The following CEP63 variants were observed in gnomAD, a reference collection of about 807,000 sequenced individuals.
The protein encoded by CEP63 is centrosomal protein 63.
CEP63 carries 84 observed loss-of-function variants against 89.1 expected under a neutral mutation model. The ratio of observed to expected loss-of-function variants is 0.94; its 90% CI spans 0.79 to 1.13. The LOEUF is 1.13. CEP63 is among the 50% of genes most tolerant of loss of function. CEP63 has a pLI of 0.00. For synonymous variants in CEP63, 267 were observed against 272.5 expected (o/e 0.98, Z 0.20); for missense variants, 838 against 813.3 (o/e 1.03, Z -0.37).
At chr3:134,493,624 A>G (rs547549270) in intron 1 of CEP63, among the ~76,000 whole-genome samples, 1 of 152,320 alleles carries the variant, frequency 6.6e-6, no homozygotes, top group Admixed American at 6.5e-5. Flanking sequence ...AATAAGGTGC[A>G]GTGGTTCTAT....
intron 3 of CEP63, among the ~76,000 whole-genome samples, chr3:134,522,134 C>G (rs756133443): frequency 6.6e-6 from 1 of 152,092 alleles, no homozygotes; most frequent in Non-Finnish European, 1.5e-5. Flanking sequence ...TTTTACTGCT[C>G]CTTGTCTTAA....
At chr3:134,764,763 A>G in the CEP63 span, among the ~76,000 whole-genome samples, 1 of 152,228 alleles carries the variant, frequency 6.6e-6, no homozygotes, top group African/African-American at 2.4e-5. Context: ...CTGCAGTGAC[A>G]TCTTCATCCT....
chr3:134,756,835 C>T, the CEP63 span, among the ~76,000 whole-genome samples: 17 of 152,304 alleles, frequency 1.1e-4, no homozygotes, highest in African/African-American at 4.1e-4. Flanking sequence ...GATGGGGGCA[C>T]CTGTCACATC....
intron 11 of CEP63, among the ~76,000 whole-genome samples, chr3:134,551,505 A>G (rs1880376): frequency 0.32 from 48,302 of 151,872 alleles, 7,959 homozygotes; most frequent in African/African-American, 0.36. Flanking sequence ...AGAACTGAAT[A>G]TAAGTTGTTA....
At chr3:134,686,648 C>T in the CEP63 span, among the ~76,000 whole-genome samples, 1 of 152,342 alleles carries the variant, frequency 6.6e-6, no homozygotes, top group Non-Finnish European at 1.5e-5. Flanking sequence ...AAGGGCTGCT[C>T]CCAACTCAGG....
chr3:134,759,610 T>C, the CEP63 span, among the ~76,000 whole-genome samples: 1 of 152,150 alleles, frequency 6.6e-6, no homozygotes, highest in Non-Finnish European at 1.5e-5. Flanking sequence ...GTGGCTGCTA[T>C]TGGAGAAAGG....
At chr3:134,733,095 A>G in the CEP63 span, among the ~76,000 whole-genome samples, 6 of 152,096 alleles carry the variant, frequency 3.9e-5, no homozygotes, top group African/African-American at 1.4e-4. Flanking sequence ...GGTAGGAAGC[A>G]TTTCTTCCCT....
At chr3:134,572,970 TA>T (rs1416800614) in intron 11 of CEP63, among the ~76,000 whole-genome samples, 1 of 152,230 alleles carries the variant, frequency 6.6e-6, no homozygotes, top group East Asian at 1.9e-4. Flanking sequence ...AGGAGATGGT[TA>T]TCTCAGTATG....
chr3:134,613,840 A>C, the CEP63 span, among the ~76,000 whole-genome samples: 1 of 152,116 alleles, frequency 6.6e-6, no homozygotes, highest in South Asian at 2.1e-4. Flanking sequence ...TGATTGTGGA[A>C]CCCACAGGAG....
Position 134,564,345 on chromosome 3 carries a change from C to G in CEP63, c.*2810C>G. 1.0e-6 allele frequency: 1 copy of G among 985,492 alleles called. No individual in the cohort carries two copies. The highest frequency in any genetic ancestry group is 5.2e-4 in the Middle Eastern group (1 of 1,914). The allele number at this position is 985,492 out of a possible 1,614,324, so 61.0% of individuals were successfully genotyped here. A position where few individuals can be genotyped will look rare whatever the true frequency, so the allele number is the denominator to read the frequency against. On this transcript the variant is annotated 3_prime_UTR_variant, in exon 15 of 15. Transcript: ENST00000675561. ...TCTTCCCACACCCTGTCATGTGCTC[C>G]TAAAACTCCCCCTTTACTTGGCTAC... is the stretch of plus-strand genomic sequence containing the variant.
At chr3:134,576,812 CGT>C (rs1209543100), downstream of CEP63, among the ~76,000 whole-genome samples, 1 of 152,034 alleles carries the variant, frequency 6.6e-6, no homozygotes, top group East Asian at 1.9e-4. Flanking sequence ...GAGGGGCACG[CGT>C]GGGGTGACTT....
chr3:134,486,411 G>C (rs1252471912), intron 1 of CEP63: 1 of 985,364 alleles, frequency 1.0e-6, no homozygotes, highest in African/African-American at 1.7e-5. Context: ...GGTCCGCCCC[G>C]AAGCCCAGTC....
chr3:134,665,082 C>T, the CEP63 span, among the ~76,000 whole-genome samples: 1 of 152,190 alleles, frequency 6.6e-6, no homozygotes, highest in Admixed American at 6.5e-5. Context: ...CACTTCTGGT[C>T]CCACCCTGTA....
Position 134,550,183 on chromosome 3 carries a change from A to G in CEP63, c.1303A>G (p.Lys435Glu), listed in dbSNP as rs1462064352. ...GCGAGATATCACTATTGCTTCCACC[A>G]AAGGTTCTTCCTCAGACATGGAAAA... ...HQRDITIAST[K>E]GSSSDMEKRL... Residue 435 changes from lysine (K) to glutamate (E), a missense_variant, in exon 11 of 15, where the codon AAA becomes GAA. Transcript: ENST00000675561. 6.2e-7 allele frequency: 1 copy of G among 1,614,150 alleles called. No homozygotes were observed. Among genetic ancestry groups the G allele is most frequent in the Admixed American group, 1.7e-5 (1 of 60,028 alleles).
At chr3:134,635,493 T>A in the CEP63 span, among the ~76,000 whole-genome samples, 9 of 79,352 alleles carry the variant, frequency 1.1e-4, no homozygotes, top group Admixed American at 9.1e-4. Flanking sequence ...CGAGACTCTG[T>A]AAAAAAAAAA....
Position 134,557,376 on chromosome 3 carries a change from G to GTTTTTTTTTTTTTTTTTTT in CEP63, c.1468-756_1468-738dup, listed in dbSNP as rs199930556. On this transcript the variant is annotated intron_variant, in intron 12 of 14. Coordinates refer to ENST00000675561, the MANE Select transcript of CEP63 (RefSeq NM_001353108.3). ...CTTGACCAGCTTACTTTCATAATTT[G>GTTTTTTTTTTTTTTTTTTT]TTTTTTTTTTTTTTTTTTTTTTTTT... Among the ~76,000 whole-genome samples, 4 of 101,498 alleles carry GTTTTTTTTTTTTTTTTTTT rather than the reference G, an allele frequency of 3.9e-5. 1 individual carries two copies. Among genetic ancestry groups the GTTTTTTTTTTTTTTTTTTT allele is most frequent in the African/African-American group, 1.5e-4 (3 of 20,278 alleles). The allele number at this position is 101,498 out of a possible 152,430, so 66.6% of individuals were successfully genotyped here. A position where few individuals can be genotyped will look rare whatever the true frequency, so the allele number is the denominator to read the frequency against.
intron 10 of CEP63, 66 bp from the exon 11 acceptor site, chr3:134,549,997 T>A: frequency 9.1e-7 from 1 of 1,099,152 alleles, no homozygotes; most frequent in East Asian, 2.4e-5. Context: ...TATTAGCTAG[T>A]AACATATTAT....
At chr3:134,717,528 A>G in the CEP63 span, among the ~76,000 whole-genome samples, 1 of 152,200 alleles carries the variant, frequency 6.6e-6, no homozygotes, top group Non-Finnish European at 1.5e-5. Flanking sequence ...GCTGTGTTGG[A>G]GCCTCATTCT....
the CEP63 span, among the ~76,000 whole-genome samples, chr3:134,605,036 A>G: frequency 6.6e-6 from 1 of 151,486 alleles, no homozygotes; most frequent in Non-Finnish European, 1.5e-5. Context: ...TGCTTCTCAC[A>G]TAGGTGTATC....
Sources: allele counts gnomAD v4.1 joint callset (sites outside exome capture counted in the v4.1 genomes callset), GRCh38; gene constraint gnomAD v4.1.1; transcripts MANE v1.5; gene names NCBI Gene and HGNC (gene_info 2026-07-23, HGNC 2026-07-21).